CES5A: variants seen among roughly 807,000 people sequenced by gnomAD.
CES5A encodes carboxylesterase 5A, also known as carboxylesterase 5.
A neutral mutation model predicts 62.9 loss-of-function variants in CES5A; 67 were observed. The ratio of observed to expected loss-of-function variants is 1.07; its 90% CI spans 0.88 to 1.31. The LOEUF (loss-of-function observed/expected upper bound fraction) is 1.31, where lower values mean the gene tolerates loss of function less well. CES5A is among the 50% of genes most tolerant of loss of function. The pLI is 0.00. For synonymous variants in CES5A, 296 were observed against 280.8 expected, an observed-to-expected ratio of 1.05 and a Z score of -0.54; for missense variants, 748 against 708.5, an observed-to-expected ratio of 1.06 and a Z score of -0.63.
chr16:55,862,158 T>C (rs2033365032), intron 6 of CES5A, among the ~76,000 whole-genome samples: 1 of 152,148 alleles, frequency 6.6e-6, no homozygotes, highest in Admixed American at 6.5e-5. Flanking sequence ...AAGCTCGATG[T>C]TCCCCACCTT....
At position 55,856,389 on chromosome 16, in the gene CES5A, T is replaced by C. The variant is rs199536556; in HGVS notation, c.1113A>G (p.Ile371Met). The C allele has an allele frequency of 1.2e-6, 2 of 1,614,108 alleles. No individual in the cohort carries two copies. The highest frequency in any genetic ancestry group is 4.5e-5 in the East Asian group (2 of 44,868). The change falls in exon 9 of 13, where the codon ATA becomes ATG. Residue 371 changes from isoleucine to methionine, a missense_variant. Transcript: ENST00000290567. ...CCAAGCTACTCACCAGGATGTTTTG[T>C]ATCAGATGGAGGGCAAGGGACTTGT... ...GSNKSLALHL[I>M]QNILHIPPQY...
intron 1 of CES5A, among the ~76,000 whole-genome samples, chr16:55,898,765 T>G (rs761722387): frequency 5.9e-5 from 9 of 152,196 alleles, no homozygotes; most frequent in Non-Finnish European, 1.0e-4. Flanking sequence ...GCTGAGGGCC[T>G]TCTTGGAAGA....
Position 55,846,180 on chromosome 16 carries a change from A to G in CES5A, c.*271T>C. ...CTATTTTACATTCTGATTTTATTTC[A>G]TATGAGTTACAAAACCATTATTATG... On this transcript the variant is annotated 3_prime_UTR_variant, in exon 13 of 13. Transcript: ENST00000290567. 2.0e-6 allele frequency: 1 copy of G among 493,496 alleles called. No homozygotes were observed. The highest frequency in any genetic ancestry group is 3.7e-5 in the Admixed American group (1 of 27,316). The allele number at this position is 493,496 out of a possible 1,614,324, so 30.6% of individuals were successfully genotyped here.
chr16:55,907,428 C>A (rs2034049539), intron 1 of CES5A, among the ~76,000 whole-genome samples: 1 of 152,208 alleles, frequency 6.6e-6, no homozygotes, highest in African/African-American at 2.4e-5. Context: ...TTCTCCCTAA[C>A]TAATTTAATT....
chr16:55,851,139 T>G lies in CES5A; in HGVS notation c.1274-1366A>C, dbSNP rs2033124068. On this transcript the variant is annotated intron_variant, in intron 10 of 12. Coordinates refer to ENST00000290567, the MANE Select transcript of CES5A (RefSeq NM_001143685.2). ...AACCAACAAAAAAGTGAATGAATTC[T>G]ATTTCATCAAAATTAAAAACTACTG... Among the ~76,000 whole-genome samples, 4 of 152,336 alleles carry G rather than the reference T, an allele frequency of 2.6e-5. No individual in the cohort carries two copies. In the South Asian group the frequency reaches 8.3e-4, roughly 32 times the overall value.
At chr16:55,855,109 C>T (rs2033213836) in intron 9 of CES5A, among the ~76,000 whole-genome samples, 1 of 152,206 alleles carries the variant, frequency 6.6e-6, no homozygotes, top group Non-Finnish European at 1.5e-5. Context: ...CCTGTGGGCA[C>T]CACAGAGCCT....
upstream of CES5A, among the ~76,000 whole-genome samples, chr16:55,880,218 C>T (rs2033746936): frequency 6.6e-6 from 1 of 152,288 alleles, no homozygotes; most frequent in African/African-American, 2.4e-5. Flanking sequence ...CAGCATACCA[C>T]CTGAAGCATG....
At chr16:55,884,961 A>G (rs1290612894) in intron 1 of CES5A, among the ~76,000 whole-genome samples, 1 of 152,144 alleles carries the variant, frequency 6.6e-6, no homozygotes, top group Non-Finnish European at 1.5e-5. Context: ...TCTTCAGACT[A>G]TAGTCCAACT....
intron 8 of CES5A, among the ~76,000 whole-genome samples, chr16:55,858,248 A>G (rs1443345561): frequency 6.6e-6 from 1 of 152,188 alleles, no homozygotes; most frequent in African/African-American, 2.4e-5. Context: ...CTAAATGCAT[A>G]AAAATTATAC....
rs570359163 is a variant in CES5A, at chr16:55,846,366, A to G, written c.*85T>C. On this transcript the variant is annotated 3_prime_UTR_variant, in exon 13 of 13. Coordinates refer to ENST00000290567, the MANE Select transcript of CES5A (RefSeq NM_001143685.2). ...TTGTTTTGCAAGGATCCCCATAGAA[A>G]GCAGCTGAGCTCAGAAAGAAGCTAA... 30 of 1,021,000 alleles carry G rather than the reference A, an allele frequency of 2.9e-5. No homozygotes were observed. Among genetic ancestry groups the G allele is most frequent in the Non-Finnish European group, 4.3e-5 (29 of 669,054 alleles). The allele number at this position is 1,021,000 out of a possible 1,614,324, so 63.2% of individuals were successfully genotyped here.
rs927467551 is a variant in CES5A, at chr16:55,923,930, C to T, written c.-256+1393G>A. On this transcript the variant is annotated intron_variant, in intron 1 of 12. Coordinates refer to the CES5A transcript ENST00000518005. Reference sequence around the variant, plus strand: ...AGGAACATGCTCAAAATAATACATGCCTTATATGACGAACTCACAGTTAAG... The same window carrying T: ...AGGAACATGCTCAAAATAATACATGTCTTATATGACGAACTCACAGTTAAG... Among the ~76,000 whole-genome samples the T allele has an allele frequency of 2.6e-5, 4 of 151,766 alleles. No homozygotes were observed. The East Asian group carries it at 7.7e-4, about 29-fold the overall frequency.
intron 11 of CES5A, among the ~76,000 whole-genome samples, chr16:55,847,395 C>T (rs1235816420): frequency 6.6e-6 from 1 of 151,958 alleles, no homozygotes; most frequent in East Asian, 1.9e-4. Context: ...CCTTCTCTCT[C>T]TCCCTCTGCC....
upstream of CES5A, among the ~76,000 whole-genome samples, chr16:55,926,864 T>G (rs1212926720): frequency 6.6e-6 from 1 of 152,228 alleles, no homozygotes; most frequent in Non-Finnish European, 1.5e-5. Context: ...TGCTTTTGCT[T>G]TGACTGAACC....
chr16:55,930,381 G>C (rs779202071), upstream of CES5A, among the ~76,000 whole-genome samples: 1 of 152,132 alleles, frequency 6.6e-6, no homozygotes, highest in Non-Finnish European at 1.5e-5. Flanking sequence ...CCCTCTGCCT[G>C]GTACTTGATA....
chr16:55,938,072 G>C (rs1455809939), intron 2 of CES5A, among the ~76,000 whole-genome samples: 1 of 152,102 alleles, frequency 6.6e-6, no homozygotes, highest in African/African-American at 2.4e-5. Flanking sequence ...AGTTCCACGA[G>C]TGAATAAGCT....
intron 2 of CES5A, among the ~76,000 whole-genome samples, chr16:55,933,280 G>A (rs149910999): frequency 4.6e-5 from 7 of 152,294 alleles, no homozygotes; most frequent in South Asian, 2.1e-4. Context: ...GGGAAATGGC[G>A]GGGAGGACAT....
At chr16:55,861,684 A>G (rs1315924986) in intron 6 of CES5A, among the ~76,000 whole-genome samples, 168 bp from the exon 7 acceptor site, 1 of 152,166 alleles carries the variant, frequency 6.6e-6, no homozygotes, top group African/African-American at 2.4e-5. Flanking sequence ...CACATGGTGG[A>G]CAGTTTCCCA....
rs550697489 is a variant in CES5A at position 55,936,326 on chromosome 16, C to T, written c.160+13459G>A. ...CCATCTTTGCAGCTCTGCAATCCCA[C>T]GTCTTCTCCTCCTGTGTGTGTTCGT... On this transcript the variant is annotated intron_variant, in intron 2 of 13. Coordinates refer to the CES5A transcript ENST00000521992. Among the ~76,000 whole-genome samples, 30 of 152,320 alleles carry T rather than the reference C, an allele frequency of 2.0e-4. No homozygotes were observed. In the East Asian group the frequency reaches 2.7e-3, roughly 14 times the overall value.
chr16:55,863,810 G>A (rs1340241367), intron 5 of CES5A, among the ~76,000 whole-genome samples: 1 of 150,360 alleles, frequency 6.7e-6, no homozygotes, highest in Non-Finnish European at 1.5e-5. Flanking sequence ...AGGCTGGAGT[G>A]CACTGGCGTG....
Sources: gnomAD v4.1 joint callset for allele counts (sites outside exome capture counted in the v4.1 genomes callset) on GRCh38, gnomAD v4.1.1 for gene constraint, MANE v1.5 for transcripts, NCBI Gene and HGNC (gene_info 2026-07-23, HGNC 2026-07-21) for gene names.